UBAC2: variants seen among roughly 807,000 people sequenced by gnomAD.
UBAC2 encodes ubiquitin-associated domain-containing protein 2.
Under a neutral mutation model 44.0 loss-of-function variants are expected in UBAC2, and 26 were observed. The ratio of observed to expected loss-of-function variants is 0.59; its 90% CI spans 0.43 to 0.82. The LOEUF is 0.82. UBAC2 is among the 40% of genes least tolerant of loss of function. The probability of loss-of-function intolerance (pLI) is 0.00; values close to 1 mark genes in which losing one functional copy is unlikely to be tolerated. For synonymous variants in UBAC2, 155 were observed against 154.3 expected (o/e 1.00, Z -0.04); for missense variants, 329 against 419.4 (o/e 0.78, Z 1.88).
chr13:99,266,931 G>A (rs888746618), intron 4 of UBAC2, among the ~76,000 whole-genome samples: 20 of 152,120 alleles, frequency 1.3e-4, no homozygotes, highest in Non-Finnish European at 2.1e-4. Flanking sequence ...GTTTGTTGGG[G>A]AATGGCTGTA....
At chr13:99,287,047 C>T (rs1447176779) in intron 4 of UBAC2, among the ~76,000 whole-genome samples, 2 of 152,138 alleles carry the variant, frequency 1.3e-5, no homozygotes, top group Non-Finnish European at 2.9e-5. Context: ...TACATAAATA[C>T]AGAGAGAATG....
At chr13:99,219,146 G>T (rs1168623256) in intron 1 of UBAC2, among the ~76,000 whole-genome samples, 1 of 152,198 alleles carries the variant, frequency 6.6e-6, no homozygotes, top group African/African-American at 2.4e-5. Flanking sequence ...CCTCTCAAGG[G>T]TGTGAACCAT....
At chr13:99,208,417 C>T (rs1229459766) in intron 1 of UBAC2, among the ~76,000 whole-genome samples, 2 of 152,214 alleles carry the variant, frequency 1.3e-5, no homozygotes, top group Non-Finnish European at 2.9e-5. Context: ...TTACTGAGCA[C>T]TCCTGTGGGC....
intron 1 of UBAC2, among the ~76,000 whole-genome samples, chr13:99,232,935 C>T (rs1317697542): frequency 6.6e-6 from 1 of 151,882 alleles, no homozygotes; most frequent in Non-Finnish European, 1.5e-5. Flanking sequence ...CAAGGAGACC[C>T]TGTCTCAAAA....
intron 7 of UBAC2, among the ~76,000 whole-genome samples, chr13:99,358,627 A>G (rs562857415): frequency 6.6e-6 from 1 of 152,334 alleles, no homozygotes; most frequent in South Asian, 2.1e-4. Flanking sequence ...GTTTCTAAGT[A>G]GAGGAGGGGC....
In UBAC2 at chr13:99,270,660, T is replaced by C. The variant is rs538299447; in HGVS notation, c.389+26036T>C. On this transcript the variant is annotated intron_variant, in intron 4 of 8. Coordinates refer to ENST00000403766, the MANE Select transcript of UBAC2 (RefSeq NM_001144072.2). ...TTAGATAGAAATTGATGGTTGATGG[T>C]GTGGACATGCACATGAGTTCTGAAG... is the stretch of plus-strand genomic sequence containing the variant. Among the ~76,000 whole-genome samples the C allele has an allele frequency of 4.3e-4, 66 of 152,246 alleles. 1 individual carries two copies. Among genetic ancestry groups the C allele is most frequent in the Admixed American group, 1.4e-3 (21 of 15,286 alleles).
intron 7 of UBAC2, among the ~76,000 whole-genome samples, chr13:99,362,348 C>T (rs1350288242): frequency 6.6e-6 from 1 of 152,156 alleles, no homozygotes; most frequent in Non-Finnish European, 1.5e-5. Context: ...ACAGAAGATC[C>T]TCATACATGA....
chr13:99,287,892 G>A (rs1566486248), intron 4 of UBAC2, among the ~76,000 whole-genome samples: 1 of 152,144 alleles, frequency 6.6e-6, no homozygotes, highest in Admixed American at 6.5e-5. Context: ...AATGGCACTT[G>A]CATATACTTT....
intron 4 of UBAC2, among the ~76,000 whole-genome samples, chr13:99,300,633 GAA>G (rs1447737534): frequency 9.2e-5 from 14 of 152,208 alleles, no homozygotes; most frequent in Non-Finnish European, 1.5e-5. Flanking sequence ...CATTCAGCAG[GAA>G]AATGGTTTTT....
At chr13:99,241,176 A>G (rs747514037) in intron 2 of UBAC2, among the ~76,000 whole-genome samples, 2 of 150,578 alleles carry the variant, frequency 1.3e-5, no homozygotes, top group Non-Finnish European at 2.9e-5. Flanking sequence ...AGCTGCGAGT[A>G]TTGATTCAGT....
chr13:99,239,021 G>T, intron 2 of UBAC2, among the ~76,000 whole-genome samples: 1 of 152,206 alleles, frequency 6.6e-6, no homozygotes, highest in Non-Finnish European at 1.5e-5. Flanking sequence ...GTGGGAAAGA[G>T]CAGAAGTGCT....
chr13:99,353,637 G>A (rs748956911), intron 7 of UBAC2, among the ~76,000 whole-genome samples: 1 of 152,166 alleles, frequency 6.6e-6, no homozygotes, highest in Non-Finnish European at 1.5e-5. Context: ...AAGGACGAAT[G>A]AATTTAGAGA....
rs144051944 is a variant in UBAC2 at position 99,378,635 on chromosome 13, A to G, written c.928-6593A>G. ...GGAGGTCAGGCATCATTTTATCCTC[A>G]TTTGACATGTGGAATCCTTCAAAGT... is the stretch of plus-strand genomic sequence containing the variant. On this transcript the variant is annotated intron_variant, in intron 8 of 8. Transcript: ENST00000403766. Among the ~76,000 whole-genome samples, 12 of 152,334 alleles carry G rather than the reference A, an allele frequency of 7.9e-5. No homozygotes were observed. The East Asian group carries it at 2.3e-3, about 29-fold the overall frequency.
chr13:99,321,410 G>C (rs2044566955), intron 6 of UBAC2, among the ~76,000 whole-genome samples: 1 of 152,182 alleles, frequency 6.6e-6, no homozygotes, highest in Admixed American at 6.6e-5. Context: ...CCGGGTTCAA[G>C]TGATTCTCGT....
intron 8 of UBAC2, among the ~76,000 whole-genome samples, chr13:99,371,442 C>G (rs2045405847): frequency 6.6e-6 from 1 of 152,094 alleles, no homozygotes; most frequent in African/African-American, 2.4e-5. Flanking sequence ...TCTGCAGGCT[C>G]TTGGTGTTCT....
At chr13:99,381,035 G>A (rs756206172) in intron 8 of UBAC2, among the ~76,000 whole-genome samples, 3 of 152,240 alleles carry the variant, frequency 2.0e-5, no homozygotes, top group African/African-American at 4.8e-5. Context: ...AACCAGCACC[G>A]CGGCACATGT....
intron 7 of UBAC2, among the ~76,000 whole-genome samples, chr13:99,346,320 G>A (rs1170065323): frequency 2.0e-5 from 3 of 152,088 alleles, no homozygotes; most frequent in African/African-American, 7.2e-5. Context: ...CCTCCCTCCT[G>A]AGCCTGCCCC....
chr13:99,243,141 A>G (rs141317785), intron 2 of UBAC2, among the ~76,000 whole-genome samples: 1 of 152,284 alleles, frequency 6.6e-6, no homozygotes, highest in East Asian at 1.9e-4. Context: ...GTGAAGGGGA[A>G]ATAAGATTAG....
At chr13:99,216,834 C>CTTT (rs11338165) in intron 1 of UBAC2, among the ~76,000 whole-genome samples, 1 of 140,624 alleles carries the variant, frequency 7.1e-6, no homozygotes, top group Non-Finnish European at 1.5e-5. Flanking sequence ...TTTCTTTTTT[C>CTTT]TTTTTTTTTT....
Sources: allele counts gnomAD v4.1 joint callset (sites outside exome capture counted in the v4.1 genomes callset), GRCh38; gene constraint gnomAD v4.1.1; transcripts MANE v1.5; gene names NCBI Gene and HGNC (gene_info 2026-07-23, HGNC 2026-07-21).